The following EPN2 variants were observed in gnomAD, a reference collection of about 807,000 sequenced individuals.
The protein encoded by EPN2 is epsin-2.
Under a neutral mutation model 61.7 loss-of-function variants are expected in EPN2, and 34 were observed. The ratio of observed to expected loss-of-function variants is 0.55; its 90% CI spans 0.42 to 0.73. EPN2 has a LOEUF of 0.73. EPN2 is among the 30% of genes least tolerant of loss of function. EPN2 has a pLI of 0.00. For synonymous variants in EPN2, 349 were observed against 353.6 expected (o/e 0.99, Z 0.15); for missense variants, 714 against 839.2 (o/e 0.85, Z 1.84).
chr17:19,289,596 G>A (rs937237985), intron 4 of EPN2, among the ~76,000 whole-genome samples: 9 of 152,028 alleles, frequency 5.9e-5, no homozygotes, highest in African/African-American at 1.7e-4. Flanking sequence ...CGCAAGTGGA[G>A]GTGTCAAGAA....
chr17:19,335,775 T>C lies in EPN2; in HGVS notation c.*1521T>C, dbSNP rs1907391897. On this transcript the variant is annotated 3_prime_UTR_variant, in exon 11 of 11. Coordinates refer to ENST00000314728, the MANE Select transcript of EPN2 (RefSeq NM_014964.5). ...GGGATTTTTAACAAACATGCACTAA[T>C]ATTACCTCCCTCTTCCAAACTCCTA... The C allele has an allele frequency of 3.8e-6, 1 of 260,132 alleles. No homozygotes were observed. Among genetic ancestry groups the C allele is most frequent in the East Asian group, 6.8e-5 (1 of 14,614 alleles). 16.1% of individuals were successfully genotyped at this position (260,132 alleles called of 1,614,324 possible).
chr17:19,329,621 A>G lies in EPN2; in HGVS notation c.1385A>G (p.Asp462Gly), dbSNP rs923653471. The G allele has an allele frequency of 6.2e-7, 1 of 1,612,652 alleles. No homozygotes were observed. The highest frequency in any genetic ancestry group is 8.5e-7 in the Non-Finnish European group (1 of 1,178,700). ...GTIKDDFSEF[D>G]NLRTSKKTAE... ...ATTAAAGATGACTTTTCTGAATTTG[A>G]CAACCTTCGGACTTCAAAAAAAACA... Residue 462 changes from aspartate to glycine, a missense_variant, in exon 9 of 11, where the codon GAC (aspartate) becomes GGC (glycine). Physicochemically the swap from Asp to Gly is moderately conservative, Grantham distance 94. Coordinates refer to ENST00000314728, the MANE Select transcript of EPN2 (RefSeq NM_014964.5).
At chr17:19,326,655 C>A (rs1015570783) in intron 7 of EPN2, among the ~76,000 whole-genome samples, 2 of 139,554 alleles carry the variant, frequency 1.4e-5, no homozygotes, top group African/African-American at 2.8e-5. Context: ...CCACTGCACT[C>A]CAGCCTGGGT....
In EPN2 at chr17:19,314,092, G is replaced by C. The variant is rs59972956; in HGVS notation, c.1147+813G>C. Among the ~76,000 whole-genome samples the C allele has an allele frequency of 3.8e-3, 582 of 152,208 alleles. 12 individuals are homozygous for C. In the East Asian group the frequency reaches 0.058, roughly 15 times the overall value. On this transcript the variant is annotated intron_variant, in intron 7 of 10. Coordinates refer to ENST00000314728, the MANE Select transcript of EPN2 (RefSeq NM_014964.5). Reference sequence around the variant, plus strand: ...CAGAACCGTCTCTTGTGTTTAACTCGGTTCCCTAGATGTTTGCTAAAATGT... The same window carrying C: ...CAGAACCGTCTCTTGTGTTTAACTCCGTTCCCTAGATGTTTGCTAAAATGT...
At chr17:19,252,598 G>A (rs2045026709) in intron 1 of EPN2, among the ~76,000 whole-genome samples, 1 of 152,122 alleles carries the variant, frequency 6.6e-6, no homozygotes, top group African/African-American at 2.4e-5. Context: ...TTTAAGTGAA[G>A]ACTGACCACC....
rs191075413 is a variant in EPN2 at position 19,329,335 on chromosome 17, C to T, written c.1325-226C>T. ...GGTGTTAGAAGCAGTAGCAGGTGGG[C>T]ATCCCACACCCTGTCCTGGGAGGCC... On this transcript the variant is annotated intron_variant, in intron 8 of 10. Transcript: ENST00000314728. The T allele has an allele frequency of 1.6e-4, 78 of 491,080 alleles. No individual in the cohort carries two copies. In the East Asian group the frequency reaches 2.2e-3, roughly 14 times the overall value. The allele number at this position is 491,080 out of a possible 1,614,324, so 30.4% of individuals were successfully genotyped here. A position where few individuals can be genotyped will look rare whatever the true frequency, so the allele number is the denominator to read the frequency against.
intron 1 of EPN2, among the ~76,000 whole-genome samples, chr17:19,237,863 G>A (rs1047676440): frequency 7.9e-5 from 12 of 151,928 alleles, no homozygotes; most frequent in Non-Finnish European, 1.3e-4. Context: ...CTCCTACCTC[G>A]GATCCTGGAG....
rs998085250 is a variant in EPN2, at chr17:19,309,418, C to T, written c.767-467C>T. Among the ~76,000 whole-genome samples the T allele has an allele frequency of 4.6e-5, 7 of 152,208 alleles. No homozygotes were observed. In the East Asian group the frequency reaches 7.7e-4, roughly 17 times the overall value. ...TGTGAGGATTATAGGCGTGAGCCAC[C>T]GCGCCTGGCCTCAAAAGTCAGCTCT... On this transcript the variant is annotated intron_variant, in intron 4 of 10. Transcript: ENST00000314728.
At chr17:19,317,977 A>G (rs1598019134) in intron 7 of EPN2, among the ~76,000 whole-genome samples, 5 of 152,168 alleles carry the variant, frequency 3.3e-5, no homozygotes, top group Admixed American at 3.3e-4. Flanking sequence ...CACAGCAAAG[A>G]AGGAGGTCAC....
At chr17:19,330,235 G>T (rs1034192648) in intron 9 of EPN2, among the ~76,000 whole-genome samples, 1 of 152,162 alleles carries the variant, frequency 6.6e-6, no homozygotes, top group Non-Finnish European at 1.5e-5. Flanking sequence ...ACCCTGTTTG[G>T]ACTGGGGTGT....
At chr17:19,239,920 G>A (rs962064753) in intron 1 of EPN2, among the ~76,000 whole-genome samples, 4 of 152,052 alleles carry the variant, frequency 2.6e-5, no homozygotes, top group African/African-American at 9.7e-5. Flanking sequence ...CATAATGAGC[G>A]GAGGATTTCC....
At chr17:19,314,354 C>T (rs1906286177) in intron 7 of EPN2, among the ~76,000 whole-genome samples, 1 of 109,282 alleles carries the variant, frequency 9.2e-6, no homozygotes, top group Non-Finnish European at 2.6e-5. Context: ...AAGGCCACTT[C>T]CGTTGAGTCC....
chr17:19,326,427 C>T (rs1906871162), intron 7 of EPN2, among the ~76,000 whole-genome samples: 1 of 152,120 alleles, frequency 6.6e-6, no homozygotes, highest in African/African-American at 2.4e-5. Flanking sequence ...TGGCTCACGC[C>T]TGTAATCCCA....
chr17:19,322,055 C>G (rs750848449), intron 7 of EPN2, among the ~76,000 whole-genome samples: 2 of 152,138 alleles, frequency 1.3e-5, no homozygotes, highest in African/African-American at 2.4e-5. Flanking sequence ...TTCCCCATGT[C>G]GAGCAGAGGT....
rs1342677404 is a variant in EPN2, at chr17:19,334,220, A to G, written c.1892A>G (p.Gln631Arg). Residue 631 changes from glutamine (Q) to arginine (R), a missense_variant, in exon 11 of 11, where the codon CAG (glutamine) becomes CGG (arginine). Gln to Arg is a conservative substitution (Grantham distance 43, BLOSUM62 1). Coordinates refer to ENST00000314728, the MANE Select transcript of EPN2 (RefSeq NM_014964.5). The surrounding 1 kb of genome is among the most constrained non-coding windows in gnomAD (Gnocchi z 4.9). Reference protein sequence around the residue: ...GSVGIPPSAAQATGTTNPFLL With the variant: ...GSVGIPPSAARATGTTNPFLL ...GTGGGTATACCCCCATCAGCAGCCCAGGCCACTGGCACAACCAACCCTTTC... is the reference window on the plus strand; with the variant it reads ...GTGGGTATACCCCCATCAGCAGCCCGGGCCACTGGCACAACCAACCCTTTC... 2 of 1,505,526 alleles carry G rather than the reference A, an allele frequency of 1.3e-6. No homozygotes were observed. The highest frequency in any genetic ancestry group is 1.8e-6 in the Non-Finnish European group (2 of 1,116,100). 93.3% of individuals were successfully genotyped at this position (1,505,526 alleles called of 1,614,324 possible).
intron 4 of EPN2, among the ~76,000 whole-genome samples, chr17:19,295,187 G>T (rs149698226): frequency 4.6e-5 from 7 of 152,218 alleles, no homozygotes; most frequent in Non-Finnish European, 7.4e-5. Context: ...TGTATCCCTA[G>T]TGTCTTTAGC....
At chr17:19,260,991 G>C (rs2045135159) in intron 1 of EPN2, among the ~76,000 whole-genome samples, 1 of 152,166 alleles carries the variant, frequency 6.6e-6, no homozygotes, top group African/African-American at 2.4e-5. Flanking sequence ...AGTTGTCCCT[G>C]TTTGAATACT....
chr17:19,307,565 G>A lies in EPN2; in HGVS notation c.767-2320G>A, dbSNP rs139862055. On this transcript the variant is annotated intron_variant, in intron 4 of 10. Transcript: ENST00000314728. ...CTGACCTCGTAGCTAGAATGGTCTC[G>A]ATCTCCTGACCTCGTGATCTGCCTG... is the stretch of plus-strand genomic sequence containing the variant. Among the ~76,000 whole-genome samples, 69 of 152,284 alleles carry A rather than the reference G, an allele frequency of 4.5e-4. No individual in the cohort carries two copies. The East Asian group carries it at 0.013, about 28-fold the overall frequency.
chr17:19,258,875 C>T (rs937651493), intron 1 of EPN2, among the ~76,000 whole-genome samples: 15 of 152,294 alleles, frequency 9.8e-5, no homozygotes, highest in Admixed American at 5.2e-4. Context: ...GGGGTGAGAC[C>T]GCTGTGTCAA....
Sources: gnomAD v4.1 joint callset for allele counts (sites outside exome capture counted in the v4.1 genomes callset) on GRCh38, gnomAD v4.1.1 for gene constraint, Gnocchi (gnomAD v3.1) non-coding constraint, MANE v1.5 for transcripts, NCBI Gene and HGNC (gene_info 2026-07-23, HGNC 2026-07-21) for gene names.